The following RARS2 variants were observed in gnomAD, a reference collection of about 807,000 sequenced individuals.
RARS2 encodes the protein arginyl-tRNA synthetase 2, mitochondrial.
Under a neutral mutation model 88.5 loss-of-function variants are expected in RARS2, and 67 were observed. That is an observed-to-expected ratio of 0.76 (90% confidence interval 0.62 to 0.93). The LOEUF is 0.93. Ranked by LOEUF, RARS2 falls within the 40% of genes least tolerant of loss-of-function variation. The pLI, the probability that RARS2 is intolerant of heterozygous loss-of-function variation, is 0.00. For synonymous variants in RARS2, 239 were observed against 230.3 expected, an observed-to-expected ratio of 1.04 and a Z score of -0.34; for missense variants, 664 against 684.2, an observed-to-expected ratio of 0.97 and a Z score of 0.33.
intron 10 of RARS2, among the ~76,000 whole-genome samples, chr6:87,525,017 AT>A (rs1775202604): frequency 6.6e-6 from 1 of 152,194 alleles, no homozygotes; most frequent in African/African-American, 2.4e-5. Flanking sequence ...TATTGGGATA[AT>A]TTTTAACATG....
At chr6:87,550,414 A>G (rs917052014) in intron 5 of RARS2, among the ~76,000 whole-genome samples, 1 of 152,180 alleles carries the variant, frequency 6.6e-6, no homozygotes, top group Non-Finnish European at 1.5e-5. Flanking sequence ...AAATGTTTAT[A>G]TTAGAAAAAA....
chr6:87,555,584 G>T, intron 4 of RARS2, 79 bp from the exon 5 acceptor site: 1 of 1,151,202 alleles, frequency 8.7e-7, no homozygotes, highest in Non-Finnish European at 1.3e-6. Context: ...ATTAAATGTT[G>T]CCAATTTGTT....
chr6:87,540,226 G>A (rs1002054258), intron 8 of RARS2, among the ~76,000 whole-genome samples: 1 of 151,724 alleles, frequency 6.6e-6, no homozygotes, highest in Non-Finnish European at 1.5e-5. Flanking sequence ...GAGGTGGGCT[G>A]ATCATGAGAT....
At chr6:87,575,032 A>G (rs1770955294) in intron 1 of RARS2, among the ~76,000 whole-genome samples, 1 of 151,846 alleles carries the variant, frequency 6.6e-6, no homozygotes, top group South Asian at 2.1e-4. Context: ...GACAGGAAGG[A>G]AGGAAGGTAG....
At chr6:87,524,532 G>C (rs373279751) in intron 11 of RARS2, 25 bp downstream of exon 11, 187 of 1,528,494 alleles carry the variant, frequency 1.2e-4, no homozygotes, top group Non-Finnish European at 1.6e-4. Context: ...AGAACCAAAT[G>C]TTGACCCTCA....
intron 8 of RARS2, among the ~76,000 whole-genome samples, chr6:87,533,830 T>C (rs1411333242): frequency 1.3e-5 from 2 of 152,222 alleles, no homozygotes; most frequent in South Asian, 2.1e-4. Context: ...TAAGCCTTTC[T>C]TATCCCTTTA....
chr6:87,525,297 A>C (rs1775308563), intron 10 of RARS2, among the ~76,000 whole-genome samples: 1 of 152,206 alleles, frequency 6.6e-6, no homozygotes, highest in African/African-American at 2.4e-5. Flanking sequence ...AGCTGACAGG[A>C]AGCTAAAAGC....
intron 2 of RARS2, among the ~76,000 whole-genome samples, chr6:87,565,321 C>T (rs1355781618): frequency 6.6e-6 from 1 of 152,022 alleles, no homozygotes; most frequent in East Asian, 1.9e-4. Context: ...GAATATTCTT[C>T]TTAACACTCA....
intron 13 of RARS2, 88 bp downstream of exon 13, chr6:87,520,092 G>C (rs1007995843): frequency 5.1e-5 from 57 of 1,108,200 alleles, no homozygotes; most frequent in Non-Finnish European, 7.6e-5. Flanking sequence ...ACAAAGAATT[G>C]AAATCTGAGT....
chr6:87,559,580 C>T (rs1049768334), intron 4 of RARS2, among the ~76,000 whole-genome samples: 6 of 151,950 alleles, frequency 3.9e-5, no homozygotes, highest in African/African-American at 1.5e-4. Flanking sequence ...AGCCCTAACA[C>T]TCCTGGGCTC....
chr6:87,514,110 A>G lies in RARS2; in HGVS notation c.*303T>C, dbSNP rs35679038. 0.064 allele frequency among the ~76,000 whole-genome samples: 9,666 copies of G among 152,192 alleles called. 385 individuals carry two copies. Among genetic ancestry groups the G allele is most frequent in the African/African-American group, 0.12 (4,835 of 41,506 alleles). ...ACAGATAACCTGAGGTCGGGAGTGC[A>G]AGACCAGCCTGACCAACATAGAGAA... On this transcript the variant is annotated 3_prime_UTR_variant, in exon 20 of 20. Transcript: ENST00000369536.
At chr6:87,580,407 C>T (rs1773117637) in intron 1 of RARS2, among the ~76,000 whole-genome samples, 2 of 151,916 alleles carry the variant, frequency 1.3e-5, no homozygotes, top group African/African-American at 4.8e-5. Flanking sequence ...ATAACATCCA[C>T]AAAATTAGGC....
At chr6:87,568,124 A>G (rs1381238456) in intron 2 of RARS2, among the ~76,000 whole-genome samples, 1 of 152,240 alleles carries the variant, frequency 6.6e-6, no homozygotes, top group Non-Finnish European at 1.5e-5. Flanking sequence ...TTAAAGTGGA[A>G]GCAGGCAAAG....
intron 1 of RARS2, chr6:87,584,671 A>G (rs1174825234): frequency 8.6e-6 from 4 of 464,234 alleles, no homozygotes; most frequent in Non-Finnish European, 1.7e-5. Flanking sequence ...CAAAAGACTG[A>G]GGATGCTGAG....
intron 1 of RARS2, among the ~76,000 whole-genome samples, chr6:87,571,016 C>T (rs1002689429): frequency 2.0e-5 from 3 of 152,176 alleles, no homozygotes; most frequent in Non-Finnish European, 2.9e-5. Flanking sequence ...GATGTGAACA[C>T]AGGCTATCTA....
At chr6:87,538,730 T>C (rs34540725) in intron 8 of RARS2, among the ~76,000 whole-genome samples, 9,681 of 152,078 alleles carry the variant, frequency 0.064, 389 homozygotes, top group African/African-American at 0.12. Flanking sequence ...GACCCTATTG[T>C]TATTTAAAAA....
intron 8 of RARS2, among the ~76,000 whole-genome samples, chr6:87,539,035 CATAAATAAATAAATAAATAAATGA>C (rs1780075393): frequency 7.1e-6 from 1 of 140,206 alleles, no homozygotes; most frequent in Non-Finnish European, 1.6e-5. Context: ...TCCTGTCTCA[CATAAATAAATAAATAAATAAATGA>C]ATAAATAAAT....
chr6:87,532,708 A>AAG (rs1342592431), intron 8 of RARS2, among the ~76,000 whole-genome samples: 1 of 152,166 alleles, frequency 6.6e-6, no homozygotes, highest in Non-Finnish European at 1.5e-5. Context: ...AAGTAAGACT[A>AAG]TGCTGAGTTC....
chr6:87,552,277 C>CCT, intron 5 of RARS2, among the ~76,000 whole-genome samples: 1 of 152,310 alleles, frequency 6.6e-6, no homozygotes, highest in South Asian at 2.1e-4. Context: ...TCTTCTCCCA[C>CCT]CTCTCTCATT....
Sources: gnomAD v4.1 joint callset for allele counts (sites outside exome capture counted in the v4.1 genomes callset) on GRCh38, gnomAD v4.1.1 for gene constraint, MANE v1.5 for transcripts, NCBI Gene and HGNC (gene_info 2026-07-23, HGNC 2026-07-21) for gene names.